TTC23: variants seen among roughly 807,000 people sequenced by gnomAD.
TTC23 encodes tetratricopeptide repeat domain 23.
A neutral mutation model predicts 55.1 loss-of-function variants in TTC23; 58 were observed. The observed-to-expected ratio is 1.05, with a 90% CI of 0.85 to 1.31. The LOEUF is 1.31. Ranked by LOEUF, TTC23 falls within the 50% of genes most tolerant of loss-of-function variation. The probability of loss-of-function intolerance (pLI) is 0.00; values close to 1 mark genes in which losing one functional copy is unlikely to be tolerated. For missense variants in TTC23, 516 were observed against 534.4 expected, an observed-to-expected ratio of 0.97 and a Z score of 0.34; for synonymous variants, 203 against 199.9, an observed-to-expected ratio of 1.02 and a Z score of -0.13.
intron 5 of TTC23, chr15:99,228,282 G>A: frequency 3.1e-6 from 1 of 320,368 alleles, no homozygotes; most frequent in Non-Finnish European, 5.7e-6. Context: ...CTTTGTTTGT[G>A]TTGTATCCCA....
intron 4 of TTC23, among the ~76,000 whole-genome samples, chr15:99,233,212 G>T (rs1023025455): frequency 2.0e-5 from 3 of 152,182 alleles, no homozygotes; most frequent in Admixed American, 6.5e-5. Context: ...TAAGAAAGTA[G>T]ATTTCAAGTG....
At chr15:99,150,711 C>A (rs996369005) in intron 12 of TTC23, among the ~76,000 whole-genome samples, 2 of 152,150 alleles carry the variant, frequency 1.3e-5, no homozygotes, top group African/African-American at 4.8e-5. Context: ...GTGTAAAAAA[C>A]GTTTAACTTG....
At chr15:99,203,964 G>A (rs973081831) in intron 8 of TTC23, among the ~76,000 whole-genome samples, 3 of 152,150 alleles carry the variant, frequency 2.0e-5, no homozygotes, top group African/African-American at 7.2e-5. Context: ...TGAGAGTGCA[G>A]ATATTTCTTT....
chr15:99,232,814 A>G lies in TTC23; in HGVS notation c.-21+2174T>C, dbSNP rs189206796. ...GATACATCCAAAGAACAGTATTAGT[A>G]TATTGAAGAGATCCCTGCACTCCAT... On this transcript the variant is annotated intron_variant, in intron 4 of 13. Coordinates refer to ENST00000394132, the MANE Select transcript of TTC23 (RefSeq NM_001288615.3). 2.0e-4 allele frequency among the ~76,000 whole-genome samples: 30 copies of G among 152,322 alleles called. No individual in the cohort carries two copies. In the East Asian group the frequency reaches 4.4e-3, roughly 23 times the overall value.
chr15:99,161,921 A>C (rs2071429166), intron 10 of TTC23, 54 bp from the exon 11 acceptor site: 1 of 1,544,854 alleles, frequency 6.5e-7, no homozygotes, highest in Non-Finnish European at 8.7e-7. Context: ...TTTGAAATGG[A>C]AACAGAATAA....
At chr15:99,190,934 A>G (rs770823754) in intron 9 of TTC23, among the ~76,000 whole-genome samples, 16 of 152,074 alleles carry the variant, frequency 1.1e-4, no homozygotes, top group Non-Finnish European at 1.2e-4. Context: ...GGTGTGCATC[A>G]TCACGTGTGG....
At chr15:99,225,358 G>A (rs2078307342) in intron 5 of TTC23, among the ~76,000 whole-genome samples, 1 of 152,184 alleles carries the variant, frequency 6.6e-6, no homozygotes. Flanking sequence ...TTTCAAAACT[G>A]GGAGGAACCT....
At chr15:99,171,559 C>CTTTTTTTTT (rs35676358) in intron 10 of TTC23, among the ~76,000 whole-genome samples, 8 of 92,302 alleles carry the variant, frequency 8.7e-5, no homozygotes, top group Non-Finnish European at 1.2e-4. Context: ...GTCTCTCCGT[C>CTTTTTTTTT]TTTTTTTTTT....
chr15:99,185,313 C>T (rs563855581), intron 9 of TTC23, among the ~76,000 whole-genome samples: 7 of 152,258 alleles, frequency 4.6e-5, no homozygotes, highest in East Asian at 1.9e-4. Context: ...ATAAGAAGCG[C>T]GACCATTAGC....
At chr15:99,182,013 G>A (rs957143928) in intron 9 of TTC23, among the ~76,000 whole-genome samples, 7 of 152,060 alleles carry the variant, frequency 4.6e-5, no homozygotes, top group African/African-American at 1.7e-4. Flanking sequence ...TATTTTCTTC[G>A]TTTGGTTGCA....
intron 2 of TTC23, 112 bp from the exon 3 acceptor site, chr15:99,241,671 G>A (rs769143400): frequency 5.9e-5 from 9 of 152,292 alleles, no homozygotes; most frequent in Admixed American, 1.3e-4. Context: ...AATAATAACT[G>A]AAATAGCAGG....
chr15:99,219,160 A>T, intron 6 of TTC23, 112 bp from the exon 7 acceptor site: 1 of 1,208,370 alleles, frequency 8.3e-7, no homozygotes, highest in Admixed American at 2.2e-5. Context: ...TTGTCAAATG[A>T]CACATGGAGA....
intron 6 of TTC23, among the ~76,000 whole-genome samples, chr15:99,219,279 A>T (rs540782547): frequency 2.9e-4 from 44 of 152,360 alleles, no homozygotes; most frequent in Admixed American, 5.9e-4. Context: ...AGAAATAAAC[A>T]AAATGAGCTG....
At chr15:99,141,035 A>G (rs1285091024) in intron 12 of TTC23, 4 of 152,206 alleles carry the variant, frequency 2.6e-5, no homozygotes, top group South Asian at 2.1e-4. Context: ...TAAAACCTCA[A>G]TGAGGTAGGT....
At chr15:99,139,474 TGAGA>T in intron 12 of TTC23, 75 bp from the exon 13 acceptor site, 12 of 1,599,198 alleles carry the variant, frequency 7.5e-6, no homozygotes, top group Non-Finnish European at 1.0e-5. Flanking sequence ...CTCCCTTGAA[TGAGA>T]GAAAGATGAC....
chr15:99,187,992 C>T (rs1431481788), intron 9 of TTC23, among the ~76,000 whole-genome samples: 2 of 151,862 alleles, frequency 1.3e-5, no homozygotes, highest in Non-Finnish European at 2.9e-5. Flanking sequence ...CACTTATAGC[C>T]TTATACCCAA....
intron 9 of TTC23, among the ~76,000 whole-genome samples, chr15:99,193,851 A>T (rs974997638): frequency 6.6e-6 from 1 of 152,076 alleles, no homozygotes; most frequent in Admixed American, 6.5e-5. Flanking sequence ...CTACTCAAAG[A>T]TACAAAAATT....
intron 12 of TTC23, among the ~76,000 whole-genome samples, chr15:99,149,052 C>A (rs1413916116): frequency 6.6e-6 from 1 of 152,218 alleles, no homozygotes; most frequent in African/African-American, 2.4e-5. Flanking sequence ...GAGGCAGCTG[C>A]TGCTGTGATA....
intron 9 of TTC23, among the ~76,000 whole-genome samples, chr15:99,191,274 C>T (rs1342718221): frequency 2.0e-5 from 3 of 152,190 alleles, no homozygotes. Context: ...CTAGGAAGAC[C>T]TATGAACTCT....
Sources: gnomAD v4.1 joint callset for allele counts (sites outside exome capture counted in the v4.1 genomes callset) on GRCh38, gnomAD v4.1.1 for gene constraint, MANE v1.5 for transcripts, NCBI Gene and HGNC (gene_info 2026-07-23, HGNC 2026-07-21) for gene names.